Variants in FGF14 observed in about 807,000 individuals in gnomAD.
FGF14 encodes the protein fibroblast growth factor 14.
Under a neutral mutation model 25.5 loss-of-function variants are expected in FGF14, and 5 were observed. The observed-to-expected ratio is 0.20, with a 90% CI of 0.10 to 0.41. The LOEUF (loss-of-function observed/expected upper bound fraction) is 0.41. FGF14 is among the 10% of genes least tolerant of loss of function. The probability of loss-of-function intolerance (pLI) is 1.00; values close to 1 mark genes in which losing one functional copy is unlikely to be tolerated. For missense variants in FGF14, 222 were observed against 320.1 expected (o/e 0.69, Z 2.34); for synonymous variants, 138 against 118.3 (o/e 1.17, Z -1.08).
chr13:102,344,193 T>C (rs1426075354), intron 1 of FGF14, among the ~76,000 whole-genome samples: 4 of 152,188 alleles, frequency 2.6e-5, no homozygotes, highest in African/African-American at 9.6e-5. Context: ...CTCACACCTA[T>C]TAAAAACTAA....
At chr13:102,385,263 G>A (rs1349935724) in intron 1 of FGF14, among the ~76,000 whole-genome samples, 3 of 152,062 alleles carry the variant, frequency 2.0e-5, no homozygotes, top group Non-Finnish European at 4.4e-5. Context: ...CATGGTATCA[G>A]ACAACCCTGA....
chr13:101,784,764 G>T (rs117561999), intron 3 of FGF14, among the ~76,000 whole-genome samples: 4 of 152,136 alleles, frequency 2.6e-5, no homozygotes, highest in Non-Finnish European at 5.9e-5. Context: ...AACACCTGCT[G>T]TGTGTCTTGA....
intron 1 of FGF14, among the ~76,000 whole-genome samples, chr13:101,883,017 C>T (rs2045798919): frequency 6.6e-6 from 1 of 151,136 alleles, no homozygotes; most frequent in South Asian, 2.1e-4. Context: ...AGATACGATA[C>T]CTATGAATCC....
At chr13:102,220,676 A>C (rs1340386653) in intron 1 of FGF14, among the ~76,000 whole-genome samples, 1 of 152,218 alleles carries the variant, frequency 6.6e-6, no homozygotes, top group African/African-American at 2.4e-5. Flanking sequence ...TTTCAAAAGC[A>C]CATTTTCTAG....
intron 1 of FGF14, among the ~76,000 whole-genome samples, chr13:101,892,945 A>G (rs2029975727): frequency 6.6e-6 from 1 of 152,164 alleles, no homozygotes; most frequent in South Asian, 2.1e-4. Context: ...AGAATATTTG[A>G]GGTCAGTAGA....
chr13:101,954,426 C>T (rs1370327891), intron 1 of FGF14, among the ~76,000 whole-genome samples: 2 of 152,042 alleles, frequency 1.3e-5, no homozygotes, highest in East Asian at 1.9e-4. Context: ...AGAAGACAGG[C>T]CCTCTTCTAA....
intron 1 of FGF14, among the ~76,000 whole-genome samples, chr13:101,878,687 T>C (rs2045532849): frequency 6.6e-6 from 1 of 152,138 alleles, no homozygotes; most frequent in Admixed American, 6.5e-5. Flanking sequence ...TATTGAAATC[T>C]AACATGAAAT....
intron 1 of FGF14, among the ~76,000 whole-genome samples, chr13:102,275,706 G>C (rs1335395116): frequency 6.6e-6 from 1 of 152,142 alleles, no homozygotes; most frequent in Non-Finnish European, 1.5e-5. Flanking sequence ...CCTGTGAGTA[G>C]TGTGAGTCCA....
chr13:101,743,389 T>C (rs1489095610), intron 3 of FGF14, among the ~76,000 whole-genome samples: 3 of 152,202 alleles, frequency 2.0e-5, no homozygotes, highest in African/African-American at 7.2e-5. Flanking sequence ...GAACATAAGC[T>C]TGTTGTTTAA....
At chr13:102,252,156 C>A (rs1285321692) in intron 1 of FGF14, among the ~76,000 whole-genome samples, 1 of 152,168 alleles carries the variant, frequency 6.6e-6, no homozygotes, top group African/African-American at 2.4e-5. Context: ...AAATGAGCCA[C>A]TTGCGAAATG....
intron 1 of FGF14, among the ~76,000 whole-genome samples, chr13:102,261,536 G>A (rs925862983): frequency 3.9e-5 from 6 of 152,110 alleles, no homozygotes; most frequent in African/African-American, 1.4e-4. Context: ...AAAATAACCC[G>A]TTATACTACC....
chr13:102,312,334 T>C (rs1170597092), intron 1 of FGF14, among the ~76,000 whole-genome samples: 2 of 151,802 alleles, frequency 1.3e-5, no homozygotes, highest in South Asian at 2.1e-4. Flanking sequence ...ACAATACCAA[T>C]TTTCAAAAAT....
chr13:101,744,039 G>T (rs573462862), intron 3 of FGF14, among the ~76,000 whole-genome samples: 1 of 152,162 alleles, frequency 6.6e-6, no homozygotes, highest in South Asian at 2.1e-4. Context: ...AGATGATTCT[G>T]TGAGCAACCC....
intron 3 of FGF14, among the ~76,000 whole-genome samples, chr13:101,733,591 CAAAAAA>C (rs553475621): frequency 1.0e-5 from 1 of 97,370 alleles, no homozygotes. Flanking sequence ...AAGACTCCAT[CAAAAAA>C]AAAAAAAAAA....
At chr13:102,017,206 T>C (rs555580076) in intron 1 of FGF14, 1 of 294,912 alleles carries the variant, frequency 3.4e-6, no homozygotes, top group African/African-American at 2.2e-5. Context: ...TACTTGTTGA[T>C]TTTTGGATGT....
intron 1 of FGF14, among the ~76,000 whole-genome samples, chr13:102,034,792 A>G (rs1197888336): frequency 6.6e-6 from 1 of 152,128 alleles, no homozygotes; most frequent in Non-Finnish European, 1.5e-5. Context: ...GAAACTTTAA[A>G]AATAAAAAGC....
intron 1 of FGF14, among the ~76,000 whole-genome samples, chr13:102,262,831 T>C (rs545133590): frequency 2.0e-5 from 3 of 152,302 alleles, no homozygotes; most frequent in African/African-American, 7.2e-5. Context: ...GATTGATTGA[T>C]TGATTTTTAA....
intron 1 of FGF14, among the ~76,000 whole-genome samples, chr13:102,177,509 T>C (rs2048496855): frequency 6.6e-6 from 1 of 152,204 alleles, no homozygotes; most frequent in Non-Finnish European, 1.5e-5. Flanking sequence ...TCAATTAATA[T>C]GTGCCACAGT....
At chr13:102,030,888 A>G (rs2041176300) in intron 1 of FGF14, among the ~76,000 whole-genome samples, 1 of 152,106 alleles carries the variant, frequency 6.6e-6, no homozygotes, top group Non-Finnish European at 1.5e-5. Flanking sequence ...ATGAATTTCA[A>G]TGAAATCATG....
Sources: allele counts gnomAD v4.1 joint callset (sites outside exome capture counted in the v4.1 genomes callset), GRCh38; gene constraint gnomAD v4.1.1; transcripts MANE v1.5; gene names NCBI Gene and HGNC (gene_info 2026-07-23, HGNC 2026-07-21).